The following TMX3 variants were observed in gnomAD, a reference collection of about 807,000 sequenced individuals.
The protein encoded by TMX3 is thioredoxin related transmembrane protein 3.
TMX3 carries 40 observed loss-of-function variants against 64.4 expected under a neutral mutation model. The observed-to-expected ratio is 0.62, with a 90% confidence interval of 0.48 to 0.81. The LOEUF (loss-of-function observed/expected upper bound fraction) is 0.81. Ranked by LOEUF, TMX3 falls within the 30% of genes least tolerant of loss-of-function variation. TMX3 has a pLI of 0.00. For missense variants in TMX3, 497 were observed against 534.5 expected (o/e 0.93, Z 0.69); for synonymous variants, 189 against 175.7 (o/e 1.08, Z -0.60).
intron 7 of TMX3, chr18:68,697,679 T>C: frequency 2.4e-6 from 1 of 424,518 alleles, no homozygotes; most frequent in Non-Finnish European, 4.2e-6. Context: ...AAGACTTAAA[T>C]AACCAGGTTA....
intron 12 of TMX3, among the ~76,000 whole-genome samples, chr18:68,683,410 T>C (rs998565577): frequency 2.6e-5 from 4 of 152,148 alleles, no homozygotes; most frequent in Non-Finnish European, 4.4e-5. Flanking sequence ...AATTCACTAA[T>C]AAAATATATT....
chr18:68,714,717 G>A (rs1268123285), intron 1 of TMX3, among the ~76,000 whole-genome samples: 1 of 152,228 alleles, frequency 6.6e-6, no homozygotes, highest in African/African-American at 2.4e-5. Context: ...CCCACGTCCA[G>A]CATTGGTCCG....
At chr18:68,691,479 G>A in intron 8 of TMX3, 118 bp from the exon 9 acceptor site, 2 of 614,556 alleles carry the variant, frequency 3.3e-6, no homozygotes, top group Non-Finnish European at 5.4e-6. Flanking sequence ...TAACAAAAAA[G>A]AATGTCACAA....
At chr18:68,712,404 C>A (rs922738540) in intron 2 of TMX3, among the ~76,000 whole-genome samples, 1 of 152,180 alleles carries the variant, frequency 6.6e-6, no homozygotes, top group African/African-American at 2.4e-5. Context: ...TGTCGCAGTC[C>A]ATGCATTCTT....
chr18:68,679,554 T>C, intron 14 of TMX3, 23 bp from the exon 15 acceptor site: 1 of 1,597,328 alleles, frequency 6.3e-7, no homozygotes, highest in Non-Finnish European at 8.5e-7. Context: ...AAAAGAAAAA[T>C]AAATTATTTA....
In TMX3 at chr18:68,675,387, A is replaced by G. The variant is rs773049092; in HGVS notation, c.*1546T>C. ...GTCAAACACTAAGAATAGGTATTTAATTATTAAATACTAAAAGAGTACATG... is the reference window on the plus strand; with the variant it reads ...GTCAAACACTAAGAATAGGTATTTAGTTATTAAATACTAAAAGAGTACATG... On this transcript the variant is annotated 3_prime_UTR_variant, in exon 16 of 16. Transcript: ENST00000299608. 6.6e-6 allele frequency: 1 copy of G among 152,156 alleles called. No individual in the cohort carries two copies. The highest frequency in any genetic ancestry group is 1.5e-5 in the Non-Finnish European group (1 of 68,030). The allele number at this position is 152,156 out of a possible 1,614,324, so 9.4% of individuals were successfully genotyped here.
intron 10 of TMX3, among the ~76,000 whole-genome samples, chr18:68,686,129 G>A (rs904933742): frequency 6.6e-5 from 10 of 152,128 alleles, no homozygotes; most frequent in African/African-American, 1.2e-4. Context: ...GTCTGAAGCC[G>A]CACAGCGTCA....
At chr18:68,714,874 G>A (rs2031786598) in intron 1 of TMX3, 62 bp downstream of exon 1, 2 of 1,546,090 alleles carry the variant, frequency 1.3e-6, no homozygotes, top group Admixed American at 2.0e-5. Context: ...TCCAATCCCG[G>A]CCCCACGGCG....
At chr18:68,693,875 CT>C (rs1402080247) in intron 8 of TMX3, among the ~76,000 whole-genome samples, 2 of 152,102 alleles carry the variant, frequency 1.3e-5, no homozygotes, top group Non-Finnish European at 2.9e-5. Flanking sequence ...TGGATCGTGC[CT>C]TTTCCAGGCC....
chr18:68,703,209 G>A (rs908585382), intron 4 of TMX3, among the ~76,000 whole-genome samples: 3 of 152,108 alleles, frequency 2.0e-5, no homozygotes, highest in Non-Finnish European at 4.4e-5. Context: ...TCCAAATTAA[G>A]AAGACAGGGA....
At chr18:68,685,426 A>C (rs1913848621) in intron 10 of TMX3, among the ~76,000 whole-genome samples, 1 of 152,172 alleles carries the variant, frequency 6.6e-6, no homozygotes, top group South Asian at 2.1e-4. Context: ...TCTCTGATGA[A>C]AACAGTTCAC....
intron 8 of TMX3, among the ~76,000 whole-genome samples, chr18:68,694,732 G>C (rs1288761829): frequency 6.6e-6 from 1 of 152,132 alleles, no homozygotes; most frequent in Admixed American, 6.5e-5. Context: ...TAAAATACTT[G>C]GCAAACCAAA....
intron 12 of TMX3, 111 bp downstream of exon 12, chr18:68,684,079 T>C (rs1252579761): frequency 7.2e-5 from 58 of 810,798 alleles, no homozygotes; most frequent in South Asian, 1.5e-4. Flanking sequence ...TTATTTAACT[T>C]CATTTCTTTG....
rs1035140295 is a variant in TMX3, at chr18:68,711,262, T to C, written c.141+102A>G. Reference sequence around the variant, plus strand: ...TAAGAAAACAAATTGAGTATATACATAAGCACTAGCTGTTTACTGCCATTT... The same window carrying C: ...TAAGAAAACAAATTGAGTATATACACAAGCACTAGCTGTTTACTGCCATTT... On this transcript the variant is annotated intron_variant, in intron 3 of 15. Transcript: ENST00000299608. The C allele has an allele frequency of 4.3e-6, 3 of 705,712 alleles. No individual in the cohort carries two copies. The African/African-American group carries it at 5.5e-5, about 13-fold the overall frequency. 43.7% of individuals were successfully genotyped at this position (705,712 alleles called of 1,614,324 possible). A position where few individuals can be genotyped will look rare whatever the true frequency, so the allele number is the denominator to read the frequency against.
At position 68,679,777 on chromosome 18, in the gene TMX3, C is replaced by T. The variant is rs117082755; in HGVS notation, c.1036-246G>A. On this transcript the variant is annotated intron_variant, in intron 14 of 15. Transcript: ENST00000299608. ...ACAATTCCTCCTCCTCTATTCATAACCCACACAGCTTGGCTGAAGCTGACC... is the reference window on the plus strand; with the variant it reads ...ACAATTCCTCCTCCTCTATTCATAATCCACACAGCTTGGCTGAAGCTGACC... 5.0e-3 allele frequency among the ~76,000 whole-genome samples: 767 copies of T among 152,248 alleles called. 2 individuals are homozygous for T. The highest frequency in any genetic ancestry group is 7.5e-3 in the Non-Finnish European group (511 of 68,020).
intron 10 of TMX3, 83 bp downstream of exon 10, chr18:68,687,584 A>T: frequency 2.0e-6 from 3 of 1,534,352 alleles, no homozygotes; most frequent in South Asian, 1.3e-5. Flanking sequence ...TAGAGCTTAA[A>T]TTCATTTCCT....
At chr18:68,682,156 C>T (rs1913500027) in intron 13 of TMX3, among the ~76,000 whole-genome samples, 1 of 152,130 alleles carries the variant, frequency 6.6e-6, no homozygotes, top group Non-Finnish European at 1.5e-5. Flanking sequence ...TGGTCTTATC[C>T]AGTGGACTGT....
At chr18:68,684,556 T>C in intron 10 of TMX3, 71 bp from the exon 11 acceptor site, 1 of 1,286,836 alleles carries the variant, frequency 7.8e-7, no homozygotes, top group Admixed American at 1.9e-5. Context: ...TCACTTTAGT[T>C]CTGAGTAGGA....
intron 12 of TMX3, among the ~76,000 whole-genome samples, chr18:68,683,281 T>C (rs976620433): frequency 7.2e-5 from 11 of 152,094 alleles, no homozygotes; most frequent in Non-Finnish European, 1.2e-4. Flanking sequence ...ACCTGAAATA[T>C]GTTTAAGAAA....
Sources: gnomAD v4.1 joint callset for allele counts (sites outside exome capture counted in the v4.1 genomes callset) on GRCh38, gnomAD v4.1.1 for gene constraint, MANE v1.5 for transcripts, NCBI Gene and HGNC (gene_info 2026-07-23, HGNC 2026-07-21) for gene names.